TRPC5: variants seen among roughly 807,000 people sequenced by gnomAD.
TRPC5 encodes the protein short transient receptor potential channel 5.
In TRPC5, 9 loss-of-function variants were observed where a neutral mutation model predicts 56.5. That is an observed-to-expected ratio of 0.16 (90% CI 0.10 to 0.28). The LOEUF (loss-of-function observed/expected upper bound fraction) is 0.28. Ranked by LOEUF, TRPC5 falls within the 10% of genes least tolerant of loss-of-function variation. The pLI, the probability that TRPC5 is intolerant of heterozygous loss-of-function variation, is 1.00. For missense variants in TRPC5, 469 were observed against 748.9 expected, an observed-to-expected ratio of 0.63 and a Z score of 4.36; for synonymous variants, 282 against 278.5, an observed-to-expected ratio of 1.01 and a Z score of -0.13.
intron 7 of TRPC5, among the ~76,000 whole-genome samples, chrX:111,813,637 C>G (rs956958860): frequency 2.7e-5 from 3 of 112,323 alleles, no homozygotes; most frequent in Non-Finnish European, 5.6e-5. Context: ...TAACCTAATA[C>G]AAAGGGAGAG....
intron 7 of TRPC5, among the ~76,000 whole-genome samples, chrX:111,782,841 A>ACACACACACACACACACACACACC (rs55909429): frequency 9.2e-6 from 1 of 108,873 alleles, no homozygotes; most frequent in African/African-American, 3.3e-5. Flanking sequence ...ACACACACAC[A>ACACACACACACACACACACACACC]TCAGTGTACA....
intron 6 of TRPC5, among the ~76,000 whole-genome samples, chrX:111,841,963 G>A (rs1603052052): frequency 9.4e-6 from 1 of 106,539 alleles, no homozygotes; most frequent in South Asian, 4.2e-4. Context: ...CACCTGCCTC[G>A]GCCTCCCAAG....
chrX:112,003,366 A>C (rs138016282), intron 1 of TRPC5, among the ~76,000 whole-genome samples: 10,368 of 110,745 alleles, frequency 0.094, 778 homozygotes, highest in African/African-American at 0.26. Context: ...GGTCAGTAGG[A>C]GTTAAATGAT....
chrX:111,807,920 T>G (rs990462186), intron 7 of TRPC5, among the ~76,000 whole-genome samples: 1 of 109,543 alleles, frequency 9.1e-6, no homozygotes, highest in Non-Finnish European at 1.9e-5. Flanking sequence ...TTCCGTTATT[T>G]TCTCCCAAAC....
Position 111,905,601 on chromosome X carries a change from C to T in TRPC5, c.900+6690G>A, listed in dbSNP as rs1407673381. ...GAAGTCTTATACCTGGTCACAATTT[C>T]ATCTTAAAGACCCTAGAAAAATGCT... On this transcript the variant is annotated intron_variant, in intron 3 of 10. Transcript: ENST00000262839. 5.4e-5 allele frequency among the ~76,000 whole-genome samples: 6 copies of T among 111,835 alleles called. No individual in the cohort carries two copies. In the East Asian group the frequency reaches 1.1e-3, roughly 21 times the overall value.
At chrX:111,914,736 G>A (rs1458733250) in intron 2 of TRPC5, among the ~76,000 whole-genome samples, 1 of 112,161 alleles carries the variant, frequency 8.9e-6, no homozygotes, top group African/African-American at 3.2e-5. Context: ...ACAGGAAAGA[G>A]TAATCTCAGA....
At chrX:111,785,827 CA>C (rs1346545503) in intron 7 of TRPC5, among the ~76,000 whole-genome samples, 1 of 110,598 alleles carries the variant, frequency 9.0e-6, no homozygotes, top group Non-Finnish European at 1.9e-5. Context: ...GATTGAAGAT[CA>C]AAGTAAGGAA....
chrX:111,779,618 A>G (rs1945904870), intron 9 of TRPC5, among the ~76,000 whole-genome samples: 1 of 112,338 alleles, frequency 8.9e-6, no homozygotes, highest in Admixed American at 9.4e-5. Flanking sequence ...GGTGATGATG[A>G]TAGCTACCAC....
intron 7 of TRPC5, among the ~76,000 whole-genome samples, chrX:111,824,325 A>G (rs1401324540): frequency 3.6e-5 from 4 of 110,608 alleles, no homozygotes; most frequent in Non-Finnish European, 7.6e-5. Flanking sequence ...CAATAACAGT[A>G]CCTACCTTAT....
At chrX:111,989,043 T>C (rs1928284670) in intron 1 of TRPC5, among the ~76,000 whole-genome samples, 1 of 111,688 alleles carries the variant, frequency 9.0e-6, no homozygotes, top group Non-Finnish European at 1.9e-5. Context: ...AATCAATAAA[T>C]GTTCATTTTC....
chrX:112,076,593 T>C lies in TRPC5; in HGVS notation c.-22+5286A>G, dbSNP rs773115286. Reference sequence around the variant, plus strand: ...CTAGTTCTGCTCCTAGAATGTCATTTTGGCCTTGAATTATTTTATAATTTG... The same window carrying C: ...CTAGTTCTGCTCCTAGAATGTCATTCTGGCCTTGAATTATTTTATAATTTG... On this transcript the variant is annotated intron_variant, in intron 1 of 10. Transcript: ENST00000262839. Among the ~76,000 whole-genome samples, 83 of 112,292 alleles carry C rather than the reference T, an allele frequency of 7.4e-4. 1 individual carries two copies. Among genetic ancestry groups the C allele is most frequent in the Non-Finnish European group, 1.4e-3 (76 of 53,308 alleles).
At chrX:111,982,394 G>A (rs1928106148) in intron 1 of TRPC5, among the ~76,000 whole-genome samples, 1 of 111,419 alleles carries the variant, frequency 9.0e-6, no homozygotes. Context: ...GGTCACGGTT[G>A]TTTATCTGGT....
intron 1 of TRPC5, among the ~76,000 whole-genome samples, chrX:111,954,417 T>C (rs955094088): frequency 8.9e-6 from 1 of 111,863 alleles, no homozygotes; most frequent in Non-Finnish European, 1.9e-5. Flanking sequence ...AGGCTAATCC[T>C]TGGAGGATGA....
intron 1 of TRPC5, among the ~76,000 whole-genome samples, chrX:112,061,117 CT>C (rs1930449949): frequency 8.9e-6 from 1 of 112,482 alleles, no homozygotes; most frequent in African/African-American, 3.2e-5. Flanking sequence ...GCTATTGAAG[CT>C]GTTCAACAAC....
intron 7 of TRPC5, among the ~76,000 whole-genome samples, chrX:111,832,119 A>C (rs1048440920): frequency 8.9e-6 from 1 of 112,087 alleles, no homozygotes; most frequent in African/African-American, 3.2e-5. Flanking sequence ...TGATGCTGGG[A>C]CCACAGAGCA....
rs970659961 is a variant in TRPC5 at position 111,769,169 on chromosome X, G to A, written c.*7144C>T. The stretch of plus-strand genomic sequence containing the variant: ...CCCTCTGTTCTCTATGGAGGTTAGT[G>A]GTTTTTCTTTACTGTCCCTCTCCCT... On this transcript the variant is annotated 3_prime_UTR_variant, in exon 11 of 11. Coordinates refer to ENST00000262839, the MANE Select transcript of TRPC5 (RefSeq NM_012471.3). Among the ~76,000 whole-genome samples, 16 of 111,343 alleles carry A rather than the reference G, an allele frequency of 1.4e-4. No homozygotes were observed. Among genetic ancestry groups the A allele is most frequent in the African/African-American group, 4.9e-4 (15 of 30,727 alleles).
At chrX:112,003,921 A>C (rs1033272492) in intron 1 of TRPC5, among the ~76,000 whole-genome samples, 1 of 112,312 alleles carries the variant, frequency 8.9e-6, no homozygotes, top group Non-Finnish European at 1.9e-5. Flanking sequence ...CTACCTAGGC[A>C]ATCTCTCACC....
chrX:111,796,735 T>C (rs1474947592), intron 7 of TRPC5, among the ~76,000 whole-genome samples: 2 of 111,213 alleles, frequency 1.8e-5, no homozygotes, highest in Non-Finnish European at 3.8e-5. Context: ...TGTGTAGAGC[T>C]CAAGATTAGC....
chrX:111,959,769 T>C (rs1927326392), intron 1 of TRPC5, among the ~76,000 whole-genome samples: 1 of 111,612 alleles, frequency 9.0e-6, no homozygotes, highest in Admixed American at 9.5e-5. Context: ...TTAAATACCC[T>C]TTTACAAATA....
Sources: gnomAD v4.1 joint callset for allele counts (sites outside exome capture counted in the v4.1 genomes callset) on GRCh38, gnomAD v4.1.1 for gene constraint, MANE v1.5 for transcripts, NCBI Gene and HGNC (gene_info 2026-07-23, HGNC 2026-07-21) for gene names.